The following PCDHGA9 variants were observed in gnomAD, a reference collection of about 807,000 sequenced individuals.
PCDHGA9 encodes the protein protocadherin gamma-A9.
A neutral mutation model predicts 62.5 loss-of-function variants in PCDHGA9; 37 were observed. The ratio of observed to expected loss-of-function variants is 0.59; its 90% CI spans 0.46 to 0.78. The LOEUF (loss-of-function observed/expected upper bound fraction) is 0.78. Among genes scored for constraint, PCDHGA9 ranks in the 30% least tolerant of loss-of-function variants. PCDHGA9 has a pLI of 0.00. For synonymous variants in PCDHGA9, 459 were observed against 484.6 expected (o/e 0.95, Z 0.69); for missense variants, 1,138 against 1,166.2 (o/e 0.98, Z 0.35).
chr5:141,455,377 CAGAA>C (rs2098820699), intron 1 of PCDHGA9, among the ~76,000 whole-genome samples: 1 of 151,970 alleles, frequency 6.6e-6, no homozygotes, highest in Admixed American at 6.6e-5. Flanking sequence ...AGGGAGAAGA[CAGAA>C]GGAAGGAGCT....
intron 1 of PCDHGA9, chr5:141,441,448 A>T (rs1415765869): frequency 1.2e-5 from 2 of 161,528 alleles, no homozygotes; most frequent in Non-Finnish European, 2.7e-5. Context: ...CAGCCCAAGC[A>T]TCACCCTACT....
At chr5:141,458,403 C>T (rs1057108239) in intron 1 of PCDHGA9, among the ~76,000 whole-genome samples, 6 of 152,136 alleles carry the variant, frequency 3.9e-5, no homozygotes, top group African/African-American at 1.2e-4. Context: ...CTTGCAGAGA[C>T]GGAGCGGGGG....
In PCDHGA9 at chr5:141,454,484, G is replaced by A. The variant is rs555881095; in HGVS notation, c.2425-40323G>A. On this transcript the variant is annotated intron_variant, in intron 1 of 3. Transcript: ENST00000573521. The stretch of plus-strand genomic sequence containing the variant: ...TGCAATGGCATGATCTCAGCTCACC[G>A]CAACCTCCACCTCCTGGATTCAGGC... Among the ~76,000 whole-genome samples, 7 of 152,218 alleles carry A rather than the reference G, an allele frequency of 4.6e-5. No individual in the cohort carries two copies. In the East Asian group the frequency reaches 7.7e-4, roughly 17 times the overall value.
At chr5:141,427,059 G>C (rs751016646) in intron 1 of PCDHGA9, 1 of 457,744 alleles carries the variant, frequency 2.2e-6, no homozygotes, top group South Asian at 1.5e-5. Context: ...AGGCACCTCT[G>C]TACTAAAGGT....
At chr5:141,505,567 T>A in intron 3 of PCDHGA9, 86 bp downstream of exon 3, 2 of 1,599,440 alleles carry the variant, frequency 1.3e-6, no homozygotes, top group Non-Finnish European at 1.7e-6. Context: ...ACGGACTGGA[T>A]GTCAAACCTG....
At chr5:141,478,598 A>C in intron 1 of PCDHGA9, 1 of 1,566,350 alleles carries the variant, frequency 6.4e-7, no homozygotes, top group South Asian at 1.2e-5. Flanking sequence ...TTATTCCTAC[A>C]TCATATTGAG....
rs773609097 is a variant in PCDHGA9 at position 141,408,614 on chromosome 5, A to C, written c.2424+3238A>C. 2.2e-5 allele frequency: 36 copies of C among 1,614,008 alleles called. No individual in the cohort carries two copies. Among genetic ancestry groups the C allele is most frequent in the Non-Finnish European group, 3.1e-5 (36 of 1,179,890 alleles). On this transcript the variant is annotated intron_variant, in intron 1 of 3. Coordinates refer to ENST00000573521, the MANE Select transcript of PCDHGA9 (RefSeq NM_018921.3). The stretch of plus-strand genomic sequence containing the variant: ...CGCCCCTCAATTTGATAAAAAGGAA[A>C]TACATTTAGAAATTTTCGAATCTGC...
At chr5:141,409,589 G>A (rs1487343349) in intron 1 of PCDHGA9, 12 of 1,613,758 alleles carry the variant, frequency 7.4e-6, no homozygotes, top group East Asian at 4.5e-5. Flanking sequence ...CCACGTGGCC[G>A]AGAACAACCC....
chr5:141,491,071 C>A lies in PCDHGA9; in HGVS notation c.2425-3736C>A, dbSNP rs987564933. ...TGCGTGGCTCTCCTACTCACTGTTG[C>A]CACAGTCCACAGCCCCAGGACTGTT... On this transcript the variant is annotated intron_variant, in intron 1 of 3. Transcript: ENST00000573521. This position sits in a 1 kb window ranked among gnomAD's most constrained non-coding sequence, Gnocchi z 6.9. 2 of 1,614,034 alleles carry A rather than the reference C, an allele frequency of 1.2e-6. No individual in the cohort carries two copies. The highest frequency in any genetic ancestry group is 1.7e-6 in the Non-Finnish European group (2 of 1,180,036).
chr5:141,467,042 G>T (rs2099134710), intron 1 of PCDHGA9, among the ~76,000 whole-genome samples: 1 of 149,884 alleles, frequency 6.7e-6, no homozygotes. Context: ...TTTGTGTAAT[G>T]AATCAATGTT....
At chr5:141,483,737 G>T (rs1052778197) in intron 1 of PCDHGA9, among the ~76,000 whole-genome samples, 1 of 152,102 alleles carries the variant, frequency 6.6e-6, no homozygotes, top group Admixed American at 6.5e-5. Flanking sequence ...TAGTCAAAAG[G>T]ATATTCCTGA....
chr5:141,421,902 C>A (rs1218675162), intron 1 of PCDHGA9: 1 of 1,613,706 alleles, frequency 6.2e-7, no homozygotes, highest in East Asian at 2.2e-5. Context: ...TCCGAAAGGG[C>A]GCAGTTCCCA....
chr5:141,423,101 G>A (rs757127033), intron 1 of PCDHGA9: 3 of 1,613,966 alleles, frequency 1.9e-6, no homozygotes, highest in South Asian at 1.1e-5. Context: ...GAGCACACGG[G>A]CGAGGTGCGT....
chr5:141,454,644 G>T (rs183290309), intron 1 of PCDHGA9, among the ~76,000 whole-genome samples: 2 of 151,892 alleles, frequency 1.3e-5, no homozygotes, highest in South Asian at 2.1e-4. Flanking sequence ...AACCTCAGGT[G>T]ATCTGCCCAC....
chr5:141,426,971 G>A, intron 1 of PCDHGA9: 1 of 456,732 alleles, frequency 2.2e-6, no homozygotes, highest in South Asian at 1.5e-5. Context: ...TTCAAATTGA[G>A]GTCACTGATG....
intron 1 of PCDHGA9, among the ~76,000 whole-genome samples, chr5:141,429,712 C>T (rs998121271): frequency 1.3e-5 from 2 of 151,994 alleles, no homozygotes; most frequent in African/African-American, 2.4e-5. Flanking sequence ...TAAATATTTA[C>T]GCTCATGAAA....
intron 2 of PCDHGA9, among the ~76,000 whole-genome samples, chr5:141,496,334 G>T (rs959266723): frequency 2.6e-5 from 4 of 152,240 alleles, no homozygotes; most frequent in Admixed American, 6.5e-5. Context: ...GAAGTCAGGA[G>T]CCTGGAGGAG....
At position 141,431,245 on chromosome 5, in the gene PCDHGA9, C is replaced by A. The variant is rs761126985; in HGVS notation, c.2424+25869C>A. The A allele has an allele frequency of 5.0e-6, 8 of 1,614,016 alleles. No individual in the cohort carries two copies. In the Admixed American group the frequency reaches 1.2e-4, roughly 24 times the overall value. On this transcript the variant is annotated intron_variant, in intron 1 of 3. Coordinates refer to ENST00000573521, the MANE Select transcript of PCDHGA9 (RefSeq NM_018921.3). This position sits in a 1 kb window ranked among gnomAD's most constrained non-coding sequence, Gnocchi z 4.8. ...TACCCCACGCCTGGGATCCGGATAT[C>A]GGGAAGAACTCTCTGCAGAGCTACG... is the stretch of plus-strand genomic sequence containing the variant.
intron 1 of PCDHGA9, among the ~76,000 whole-genome samples, chr5:141,464,901 G>A (rs1562002452): frequency 6.6e-6 from 1 of 151,916 alleles, no homozygotes; most frequent in Non-Finnish European, 1.5e-5. Context: ...ACCATGTCCA[G>A]CTAATTTTTT....
Sources: gnomAD v4.1 joint callset for allele counts (sites outside exome capture counted in the v4.1 genomes callset) on GRCh38, gnomAD v4.1.1 for gene constraint, Gnocchi (gnomAD v3.1) non-coding constraint, MANE v1.5 for transcripts, NCBI Gene and HGNC (gene_info 2026-07-23, HGNC 2026-07-21) for gene names.